The following SUMF2 variants were observed in gnomAD, a reference collection of about 807,000 sequenced individuals.
SUMF2 encodes sulfatase modifying factor 2, also known as inactive C-alpha-formylglycine-generating enzyme 2.
A neutral mutation model predicts 44.8 loss-of-function variants in SUMF2; 45 were observed. The observed-to-expected ratio is 1.00, with a 90% CI of 0.79 to 1.29. The LOEUF (loss-of-function observed/expected upper bound fraction) is 1.29. Among genes scored for constraint, SUMF2 ranks in the 50% most tolerant of loss-of-function variants. The pLI is 0.00. For missense variants in SUMF2, 418 were observed against 389.9 expected (o/e 1.07, Z -0.61); for synonymous variants, 148 against 150.4 (o/e 0.98, Z 0.12).
At position 56,080,156 on chromosome 7, in the gene SUMF2, A is replaced by C; in HGVS notation, c.*544A>C. 1 of 379,594 alleles carries C rather than the reference A, an allele frequency of 2.6e-6. No homozygotes were observed. Among genetic ancestry groups the C allele is most frequent in the Non-Finnish European group, 4.8e-6 (1 of 210,376 alleles). 23.5% of individuals were successfully genotyped at this position (379,594 alleles called of 1,614,324 possible). ...CTATTTAAAGCACAGTTCAGTCCTAAAAGGGTCTGGGAGAACCAGATGATG... is the reference window on the plus strand; with the variant it reads ...CTATTTAAAGCACAGTTCAGTCCTACAAGGGTCTGGGAGAACCAGATGATG... On this transcript the variant is annotated 3_prime_UTR_variant, in exon 9 of 9. Transcript: ENST00000434526.
chr7:56,078,305 A>T, intron 7 of SUMF2, 59 bp from the exon 8 acceptor site: 1 of 1,557,872 alleles, frequency 6.4e-7, no homozygotes, highest in Non-Finnish European at 8.7e-7. Flanking sequence ...AGGACCTCAG[A>T]GGGTAGGCGG....
the SUMF2 span, chr7:56,086,756 A>C: frequency 1.8e-6 from 1 of 568,160 alleles, no homozygotes; most frequent in Admixed American, 3.1e-5. Flanking sequence ...GAGAAAACCA[A>C]GATTTAAAGA....
chr7:56,075,702 A>T (rs1053641227), intron 5 of SUMF2, among the ~76,000 whole-genome samples: 1 of 151,578 alleles, frequency 6.6e-6, no homozygotes, highest in Non-Finnish European at 1.5e-5. Flanking sequence ...CCGTCTCAAA[A>T]AAAAAAAAAA....
At position 56,074,014 on chromosome 7, in the gene SUMF2, C is replaced by CAAAAAA. The variant is rs56927689; in HGVS notation, c.340-135_340-130dup. 34 of 320,908 alleles carry CAAAAAA rather than the reference C, an allele frequency of 1.1e-4. 2 individuals are homozygous for CAAAAAA. In the African/African-American group the frequency reaches 1.2e-3, roughly 11 times the overall value. 19.9% of individuals were successfully genotyped at this position (320,908 alleles called of 1,614,324 possible). Reference sequence around the variant, plus strand: ...TGAGTGACAGAGCAAGATCTTGTCTCAAAAAAAAAAAAAAAAAAAAAAAAA... The same window carrying CAAAAAA: ...TGAGTGACAGAGCAAGATCTTGTCTCAAAAAAAAAAAAAAAAAAAAAAAAAAAAAAA... On this transcript the variant is annotated intron_variant, in intron 3 of 8. Transcript: ENST00000434526.
At chr7:56,068,689 C>T in intron 2 of SUMF2, 51 bp downstream of exon 2, 1 of 1,501,106 alleles carries the variant, frequency 6.7e-7, no homozygotes, top group Non-Finnish European at 9.0e-7. Flanking sequence ...TAATCTCATT[C>T]TTTTTTCTTT....
intron 2 of SUMF2, among the ~76,000 whole-genome samples, chr7:56,072,324 A>T (rs545024126): frequency 7.4e-6 from 1 of 135,926 alleles, no homozygotes; most frequent in East Asian, 2.2e-4. Context: ...TACTTAAGAG[A>T]CTGAGGCTAG....
At chr7:56,076,152 A>G (rs1795531845) in intron 5 of SUMF2, among the ~76,000 whole-genome samples, 1 of 150,916 alleles carries the variant, frequency 6.6e-6, no homozygotes, top group Non-Finnish European at 1.5e-5. Context: ...TCAGCCTCCC[A>G]AGTAGCTGGG....
downstream of SUMF2, among the ~76,000 whole-genome samples, chr7:56,085,290 G>A (rs1768984321): frequency 6.6e-6 from 1 of 152,000 alleles, no homozygotes; most frequent in Admixed American, 6.6e-5. Flanking sequence ...TAGAGATGGG[G>A]TCTCACTTTG....
chr7:56,071,017 G>A (rs1212352299), intron 2 of SUMF2, among the ~76,000 whole-genome samples: 2 of 152,216 alleles, frequency 1.3e-5, no homozygotes, highest in Admixed American at 1.3e-4. Context: ...TTTTTTGGAG[G>A]TGACCGATGG....
chr7:56,086,454 C>G, the SUMF2 span, among the ~76,000 whole-genome samples: 1 of 152,028 alleles, frequency 6.6e-6, no homozygotes. Flanking sequence ...GGGAGAATCA[C>G]GTGAGGCCAA....
At chr7:56,079,389 C>A in intron 8 of SUMF2, 139 bp from the exon 9 acceptor site, 1 of 852,300 alleles carries the variant, frequency 1.2e-6, no homozygotes, top group Non-Finnish European at 1.8e-6. Flanking sequence ...TCACACCAGG[C>A]TTCTTTCCAG....
the SUMF2 span, chr7:56,087,843 C>G: frequency 2.7e-5 from 36 of 1,321,178 alleles, no homozygotes; most frequent in Non-Finnish European, 3.7e-5. Context: ...AGATTAGAGG[C>G]TGCAGCAGAG....
the SUMF2 span, chr7:56,087,794 A>T: frequency 1.9e-6 from 3 of 1,598,182 alleles, no homozygotes; most frequent in Non-Finnish European, 2.6e-6. Context: ...TGCAGAGGAC[A>T]GATGGCCTCG....
rs1479828354 is a variant in SUMF2 at position 56,079,721 on chromosome 7, C to T, written c.*109C>T. On this transcript the variant is annotated 3_prime_UTR_variant, in exon 9 of 9. Transcript: ENST00000434526. ...CGAGAGCTTCAGCCTCAGGAAAGAACTTCCCCTTCCCTGTCTCCCATCCCT... is the reference window on the plus strand; with the variant it reads ...CGAGAGCTTCAGCCTCAGGAAAGAATTTCCCCTTCCCTGTCTCCCATCCCT... The T allele has an allele frequency of 6.2e-7, 1 of 1,600,762 alleles. No homozygotes were observed. Among genetic ancestry groups the T allele is most frequent in the Non-Finnish European group, 8.5e-7 (1 of 1,173,380 alleles).
chr7:56,064,419 G>A (rs1321249669), intron 1 of SUMF2, 41 bp downstream of exon 1: 1 of 1,574,418 alleles, frequency 6.4e-7, no homozygotes, highest in South Asian at 1.2e-5. Context: ...GCTGGGAAGG[G>A]GATGGGGCGC....
chr7:56,068,396 A>C lies in SUMF2; in HGVS notation c.68-86A>C, dbSNP rs531713552. On this transcript the variant is annotated intron_variant, in intron 1 of 8. Coordinates refer to ENST00000434526, the MANE Select transcript of SUMF2 (RefSeq NM_015411.4). ...ATTTTTTGTTGTGTTTTGTTATACCATCATGAGTATTGCATATGATCCAAA... is the reference window on the plus strand; with the variant it reads ...ATTTTTTGTTGTGTTTTGTTATACCCTCATGAGTATTGCATATGATCCAAA... 9 of 1,296,598 alleles carry C rather than the reference A, an allele frequency of 6.9e-6. No individual in the cohort carries two copies. In the South Asian group the frequency reaches 1.2e-4, roughly 17 times the overall value. The allele number at this position is 1,296,598 out of a possible 1,614,324, so 80.3% of individuals were successfully genotyped here.
At chr7:56,081,547 G>A (rs1795992326), downstream of SUMF2, 14 of 1,494,908 alleles carry the variant, frequency 9.4e-6, no homozygotes, top group South Asian at 1.5e-4. The surrounding 1 kb of genome is among the most constrained non-coding windows in gnomAD (Gnocchi z 4.6). Flanking sequence ...GAAATTCACG[G>A]GGTGTAAGGA....
intron 4 of SUMF2, 115 bp from the exon 5 acceptor site, chr7:56,074,471 T>C: frequency 7.1e-7 from 1 of 1,404,052 alleles, no homozygotes; most frequent in Non-Finnish European, 9.7e-7. Context: ...CCCGGCTCTC[T>C]TCCAGCTCTC....
chr7:56,085,990 A>G, the SUMF2 span, among the ~76,000 whole-genome samples: 1 of 144,222 alleles, frequency 6.9e-6, no homozygotes, highest in African/African-American at 2.5e-5. Context: ...AAAAAAAAAA[A>G]GTAAATCAGA....
Sources: gnomAD v4.1 joint callset for allele counts (sites outside exome capture counted in the v4.1 genomes callset) on GRCh38, gnomAD v4.1.1 for gene constraint, Gnocchi (gnomAD v3.1) non-coding constraint, MANE v1.5 for transcripts, NCBI Gene and HGNC (gene_info 2026-07-23, HGNC 2026-07-21) for gene names.